Variants in BMAL1 observed in about 807,000 individuals in gnomAD.
The protein encoded by BMAL1 is basic helix-loop-helix ARNT-like protein 1.
the BMAL1 span, among the ~76,000 whole-genome samples, chr11:13,319,705 G>A: frequency 2.0e-5 from 3 of 152,182 alleles, no homozygotes; most frequent in Admixed American, 1.3e-4. Flanking sequence ...AATTATTAAG[G>A]ATATCAGTTG....
At chr11:13,327,447 T>C in the BMAL1 span, among the ~76,000 whole-genome samples, 3 of 152,084 alleles carry the variant, frequency 2.0e-5, no homozygotes, top group Admixed American at 1.3e-4. Context: ...TTTTCTCCTG[T>C]TGCTCCCAAG....
chr11:13,336,014 T>TGTGC, the BMAL1 span, among the ~76,000 whole-genome samples: 3 of 152,226 alleles, frequency 2.0e-5, no homozygotes, highest in Admixed American at 2.0e-4. Context: ...AGAGAGTGTG[T>TGTGC]GTGCGTGCAT....
At chr11:13,291,983 G>A in the BMAL1 span, among the ~76,000 whole-genome samples, 3 of 152,190 alleles carry the variant, frequency 2.0e-5, no homozygotes, top group African/African-American at 7.2e-5. Flanking sequence ...AGTTTCCATG[G>A]AGACATTAGC....
chr11:13,353,900 T>A, the BMAL1 span, among the ~76,000 whole-genome samples: 2 of 152,146 alleles, frequency 1.3e-5, no homozygotes, highest in African/African-American at 2.4e-5. Flanking sequence ...TAATTAGCAT[T>A]GTCAGAGAAC....
the BMAL1 span, among the ~76,000 whole-genome samples, chr11:13,329,618 G>A: frequency 6.6e-6 from 1 of 152,224 alleles, no homozygotes; most frequent in Non-Finnish European, 1.5e-5. Flanking sequence ...GCGAGAATGT[G>A]GCACACTGTC....
chr11:13,279,918 C>T, the BMAL1 span, among the ~76,000 whole-genome samples: 1,044 of 152,276 alleles, frequency 6.9e-3, 10 homozygotes, highest in African/African-American at 0.024. Context: ...AAAGCACTAA[C>T]CTGGGAGTTA....
At chr11:13,371,546 T>C in the BMAL1 span, among the ~76,000 whole-genome samples, 4 of 152,222 alleles carry the variant, frequency 2.6e-5, no homozygotes, top group African/African-American at 9.7e-5. Flanking sequence ...TGTCTTCCAG[T>C]TCATACGTCA....
chr11:13,354,399 A>G, the BMAL1 span: 2 of 1,614,206 alleles, frequency 1.2e-6, no homozygotes, highest in Non-Finnish European at 1.7e-6. Flanking sequence ...TCTTGGTACC[A>G]GTGGTGTGGA....
At chr11:13,383,998 G>C in the BMAL1 span, among the ~76,000 whole-genome samples, 1 of 152,192 alleles carries the variant, frequency 6.6e-6, no homozygotes, top group Admixed American at 6.5e-5. Flanking sequence ...ACCAAAGTAT[G>C]ATGTTTGTCT....
At chr11:13,331,459 T>A in the BMAL1 span, among the ~76,000 whole-genome samples, 1 of 152,170 alleles carries the variant, frequency 6.6e-6, no homozygotes, top group African/African-American at 2.4e-5. Flanking sequence ...ATTGCAACTT[T>A]GGAGGAGCCC....
At chr11:13,314,063 T>G in the BMAL1 span, among the ~76,000 whole-genome samples, 1 of 152,084 alleles carries the variant, frequency 6.6e-6, no homozygotes, top group African/African-American at 2.4e-5. Context: ...CCCCCAAATC[T>G]TCAGGACACC....
chr11:13,351,382 G>A, the BMAL1 span, among the ~76,000 whole-genome samples: 1 of 143,120 alleles, frequency 7.0e-6, no homozygotes, highest in South Asian at 2.3e-4. Context: ...GCTTGGCTTG[G>A]AGATAGAGTT....
At chr11:13,351,749 T>C in the BMAL1 span, among the ~76,000 whole-genome samples, 1 of 152,140 alleles carries the variant, frequency 6.6e-6, no homozygotes, top group African/African-American at 2.4e-5. Context: ...AGCTCTCCTC[T>C]GGATGTGCTG....
chr11:13,378,478 C>T, the BMAL1 span: 3 of 1,587,896 alleles, frequency 1.9e-6, no homozygotes, highest in East Asian at 2.3e-5. Flanking sequence ...TCTGTTAAAC[C>T]AGTGGTTCTC....
the BMAL1 span, among the ~76,000 whole-genome samples, chr11:13,321,048 T>C: frequency 3.3e-5 from 5 of 152,232 alleles, no homozygotes; most frequent in Non-Finnish European, 5.9e-5. Flanking sequence ...TGCACTGATA[T>C]ATTCAAATTC....
chr11:13,369,947 C>T, the BMAL1 span, among the ~76,000 whole-genome samples: 1 of 152,112 alleles, frequency 6.6e-6, no homozygotes, highest in Non-Finnish European at 1.5e-5. Context: ...GAGGAGAGAG[C>T]TGAAAAGCCT....
the BMAL1 span, among the ~76,000 whole-genome samples, chr11:13,364,586 G>A: frequency 6.6e-6 from 1 of 152,126 alleles, no homozygotes; most frequent in Non-Finnish European, 1.5e-5. Flanking sequence ...TGACAGAGTG[G>A]GGCACACCCT....
the BMAL1 span, among the ~76,000 whole-genome samples, chr11:13,376,112 G>C: frequency 1.3e-5 from 2 of 152,202 alleles, no homozygotes; most frequent in South Asian, 4.1e-4. Context: ...GCTCATTCAG[G>C]CACTAGCTCA....
chr11:13,348,261 C>G, the BMAL1 span, among the ~76,000 whole-genome samples: 121 of 152,324 alleles, frequency 7.9e-4, no homozygotes, highest in African/African-American at 2.8e-3. Context: ...GTCTTTTAGT[C>G]TGTCGGGGGG....
Sources: gnomAD v4.1 joint callset for allele counts (sites outside exome capture counted in the v4.1 genomes callset) on GRCh38, gnomAD v4.1.1 for gene constraint, MANE v1.5 for transcripts, NCBI Gene and HGNC (gene_info 2026-07-23, HGNC 2026-07-21) for gene names.